Variants in ALK observed in about 807,000 individuals in gnomAD.
ALK encodes the protein ALK receptor tyrosine kinase.
In ALK, 74 loss-of-function variants were observed where a neutral mutation model predicts 163.1. The ratio of observed to expected loss-of-function variants is 0.45; its 90% CI spans 0.38 to 0.55. ALK has a LOEUF of 0.55. Among genes scored for constraint, ALK ranks in the 20% least tolerant of loss-of-function variants. The pLI is 0.00. For synonymous variants in ALK, 960 were observed against 843.2 expected (o/e 1.14, Z -2.40); for missense variants, 2,063 against 2,105.3 (o/e 0.98, Z 0.39).
At chr2:29,824,050 G>T (rs1363344093) in intron 1 of ALK, among the ~76,000 whole-genome samples, 1 of 152,188 alleles carries the variant, frequency 6.6e-6, no homozygotes, top group Non-Finnish European at 1.5e-5. Context: ...TTGGTGCCCT[G>T]CATCTCAGCC....
At chr2:29,716,243 A>C (rs2541200) in intron 2 of ALK, among the ~76,000 whole-genome samples, 132,437 of 152,218 alleles carry the variant, frequency 0.87, 57,808 homozygotes, top group African/African-American at 0.93. Flanking sequence ...ATTCTGGAGG[A>C]CTTTTGCATT....
chr2:29,793,853 T>C (rs981695829), intron 1 of ALK, among the ~76,000 whole-genome samples: 1 of 152,186 alleles, frequency 6.6e-6, no homozygotes, highest in African/African-American at 2.4e-5. Flanking sequence ...ATTTATAGAA[T>C]TCAGGCAGAG....
At chr2:29,857,492 T>C (rs1427584310) in intron 1 of ALK, among the ~76,000 whole-genome samples, 1 of 152,230 alleles carries the variant, frequency 6.6e-6, no homozygotes, top group Non-Finnish European at 1.5e-5. Context: ...AGGCTGAATG[T>C]GGCTCTGATC....
At chr2:29,448,181 C>G (rs142800816) in intron 4 of ALK, among the ~76,000 whole-genome samples, 117 of 152,322 alleles carry the variant, frequency 7.7e-4, no homozygotes, top group Middle Eastern at 3.4e-3. Flanking sequence ...AATCAAATCT[C>G]TAACAAAGAG....
rs72784196 is a variant in ALK, at chr2:29,688,918, G to A, written c.952+5932C>T. Among the ~76,000 whole-genome samples, 560 of 152,286 alleles carry A rather than the reference G, an allele frequency of 3.7e-3. 1 individual carries two copies. The highest frequency in any genetic ancestry group is 7.5e-3 in the Admixed American group (114 of 15,292). ...CTGAACCCTGTGGGCCATAAATGCCGGACTTGAAGCCTGCACTAGCACATT... is the reference window on the plus strand; with the variant it reads ...CTGAACCCTGTGGGCCATAAATGCCAGACTTGAAGCCTGCACTAGCACATT... On this transcript the variant is annotated intron_variant, in intron 3 of 28. Coordinates refer to ENST00000389048, the MANE Select transcript of ALK (RefSeq NM_004304.5).
In ALK at chr2:29,542,390, G is replaced by C. The variant is rs935887600; in HGVS notation, c.953-10274C>G. Among the ~76,000 whole-genome samples the C allele has an allele frequency of 2.6e-5, 4 of 152,058 alleles. No individual in the cohort carries two copies. In the East Asian group the frequency reaches 7.7e-4, roughly 29 times the overall value. On this transcript the variant is annotated intron_variant, in intron 3 of 28. Transcript: ENST00000389048. ...TGTATCAGTTGCTTTCTGGGCCTAC[G>C]GTACAGCTATTATTCTGAAATTTCT...
intron 4 of ALK, among the ~76,000 whole-genome samples, chr2:29,496,877 A>T (rs1672037112): frequency 6.6e-6 from 1 of 152,194 alleles, no homozygotes. Flanking sequence ...TCACTGCTCA[A>T]AAAGGTTGTT....
intron 1 of ALK, among the ~76,000 whole-genome samples, chr2:29,870,046 G>C (rs1462369930): frequency 6.6e-6 from 1 of 152,150 alleles, no homozygotes; most frequent in African/African-American, 2.4e-5. Flanking sequence ...GAGCTGAGTA[G>C]TCTCATACAT....
Position 29,825,902 on chromosome 2 carries a change from T to A in ALK, c.667+94091A>T, listed in dbSNP as rs142639941. Among the ~76,000 whole-genome samples, 35 of 152,228 alleles carry A rather than the reference T, an allele frequency of 2.3e-4. No individual in the cohort carries two copies. In the East Asian group the frequency reaches 5.6e-3, roughly 24 times the overall value. ...CAAAACAACAAAAAGGGCAATTGGA[T>A]GTTTAGGTGGTAGGGGTTAGAACAG... On this transcript the variant is annotated intron_variant, in intron 1 of 28. Transcript: ENST00000389048.
chr2:29,875,727 C>T (rs1311683994), intron 1 of ALK, among the ~76,000 whole-genome samples: 1 of 152,126 alleles, frequency 6.6e-6, no homozygotes, highest in Admixed American at 6.5e-5. Context: ...ATGATGGTTC[C>T]CAGCTTTATC....
intron 4 of ALK, among the ~76,000 whole-genome samples, chr2:29,449,778 G>A (rs541820278): frequency 6.6e-6 from 1 of 152,242 alleles, no homozygotes; most frequent in Non-Finnish European, 1.5e-5. Context: ...GAAATGTTGA[G>A]GCTCAAGCAT....
chr2:29,649,059 A>G (rs1046310317), intron 3 of ALK, among the ~76,000 whole-genome samples: 3 of 152,130 alleles, frequency 2.0e-5, no homozygotes, highest in African/African-American at 7.2e-5. Flanking sequence ...TATACGATCT[A>G]TATTTTTTCC....
chr2:29,919,943 A>G (rs758284728), intron 1 of ALK, 50 bp downstream of exon 1: 48 of 1,598,536 alleles, frequency 3.0e-5, no homozygotes, highest in Non-Finnish European at 3.7e-5. Flanking sequence ...TTGCATATCA[A>G]TGTGACTAAA....
chr2:29,754,281 G>C (rs1680453511), intron 1 of ALK, among the ~76,000 whole-genome samples: 1 of 152,274 alleles, frequency 6.6e-6, no homozygotes. Context: ...AGTTCAGCAG[G>C]ATGCAGAATA....
chr2:29,851,729 C>T (rs1224057959), intron 1 of ALK, among the ~76,000 whole-genome samples: 1 of 152,228 alleles, frequency 6.6e-6, no homozygotes, highest in Non-Finnish European at 1.5e-5. Flanking sequence ...TCACCAGACA[C>T]ACTTCCATGA....
intron 4 of ALK, among the ~76,000 whole-genome samples, chr2:29,453,747 G>A (rs533002454): frequency 2.6e-5 from 4 of 152,188 alleles, no homozygotes; most frequent in Admixed American, 1.3e-4. Context: ...AAGGGAAGAC[G>A]ATATGGAGCA....
At chr2:29,719,984 G>T (rs1048355941) in intron 1 of ALK, among the ~76,000 whole-genome samples, 16 of 152,162 alleles carry the variant, frequency 1.1e-4, no homozygotes, top group African/African-American at 3.6e-4. Context: ...CAAATTTTAA[G>T]TAGCTTTGAA....
intron 11 of ALK, among the ~76,000 whole-genome samples, chr2:29,252,010 G>C (rs1159432654): frequency 1.3e-5 from 2 of 152,172 alleles, no homozygotes; most frequent in Non-Finnish European, 2.9e-5. Context: ...GGCTCTCCAA[G>C]CAACAGAGTA....
intron 4 of ALK, among the ~76,000 whole-genome samples, chr2:29,497,961 T>G (rs191396951): frequency 3.9e-5 from 6 of 152,350 alleles, no homozygotes; most frequent in Non-Finnish European, 5.9e-5. Flanking sequence ...ATAATACTAT[T>G]ACTTATAATA....
Sources: gnomAD v4.1 joint callset for allele counts (sites outside exome capture counted in the v4.1 genomes callset) on GRCh38, gnomAD v4.1.1 for gene constraint, MANE v1.5 for transcripts, NCBI Gene and HGNC (gene_info 2026-07-23, HGNC 2026-07-21) for gene names.